INTS6: variants seen among roughly 807,000 people sequenced by gnomAD.
The protein encoded by INTS6 is DEAD box protein.
A neutral mutation model predicts 104.9 loss-of-function variants in INTS6; 16 were observed. The ratio of observed to expected loss-of-function variants is 0.15; its 90% CI spans 0.10 to 0.23. The LOEUF is 0.23. Among genes scored for constraint, INTS6 ranks in the 10% least tolerant of loss-of-function variants. The pLI, the probability that INTS6 is intolerant of heterozygous loss-of-function variation, is 1.00. For synonymous variants in INTS6, 324 were observed against 358.7 expected (o/e 0.90, Z 1.09); for missense variants, 584 against 1,062.8 (o/e 0.55, Z 6.26).
At chr13:51,339,096 C>T in the INTS6 span, among the ~76,000 whole-genome samples, 9 of 152,172 alleles carry the variant, frequency 5.9e-5, no homozygotes, top group African/African-American at 1.4e-4. Flanking sequence ...ATTGGACTTA[C>T]GAACTGTTGT....
At chr13:51,439,461 A>G (rs1952752275) in intron 3 of INTS6, 1 of 152,212 alleles carries the variant, frequency 6.6e-6, no homozygotes, top group Non-Finnish European at 1.5e-5. Flanking sequence ...CCATATACCA[A>G]TAATCAATTT....
intron 3 of INTS6, chr13:51,446,414 G>C (rs1952919561): frequency 6.6e-6 from 1 of 152,178 alleles, no homozygotes; most frequent in African/African-American, 2.4e-5. Context: ...AATTGTGTTA[G>C]TGAAGATATA....
At chr13:51,425,169 C>A (rs1235039208) in intron 4 of INTS6, among the ~76,000 whole-genome samples, 1 of 151,980 alleles carries the variant, frequency 6.6e-6, no homozygotes, top group African/African-American at 2.4e-5. Flanking sequence ...AACCCATTTA[C>A]AATGCCTAGA....
At chr13:51,360,542 C>A (rs184962183), downstream of INTS6, among the ~76,000 whole-genome samples, 237 of 152,134 alleles carry the variant, frequency 1.6e-3, no homozygotes, top group African/African-American at 5.4e-3. Flanking sequence ...GATTAGCTTA[C>A]AAAAATCAGC....
In INTS6 at chr13:51,386,365, G is replaced by C. The variant is rs551426541; in HGVS notation, c.894+1021C>G. Among the ~76,000 whole-genome samples the C allele has an allele frequency of 3.3e-5, 5 of 152,242 alleles. No individual in the cohort carries two copies. The South Asian group carries it at 8.3e-4, about 25-fold the overall frequency. ...CAAATACGGTATCTGTTCTGTAAGAGTTGAAAGAGCTCCAGAAAAGAAAGT... is the reference window on the plus strand; with the variant it reads ...CAAATACGGTATCTGTTCTGTAAGACTTGAAAGAGCTCCAGAAAAGAAAGT... On this transcript the variant is annotated intron_variant, in intron 7 of 17. Coordinates refer to ENST00000311234, the MANE Select transcript of INTS6 (RefSeq NM_012141.3).
At chr13:51,389,261 C>T (rs1397035567) in intron 6 of INTS6, 58 bp downstream of exon 6, 1 of 1,574,516 alleles carries the variant, frequency 6.4e-7, no homozygotes, top group African/African-American at 1.4e-5. Flanking sequence ...GTTTTCAGTT[C>T]TAGTTGAATA....
chr13:51,437,144 G>A (rs539463262), intron 3 of INTS6: 39 of 152,154 alleles, frequency 2.6e-4, no homozygotes, highest in Middle Eastern at 3.4e-3. Flanking sequence ...AAAAATAAAC[G>A]TATAAATAAA....
chr13:51,428,842 G>C (rs1957032179), intron 4 of INTS6, among the ~76,000 whole-genome samples: 1 of 152,052 alleles, frequency 6.6e-6, no homozygotes, highest in South Asian at 2.1e-4. Context: ...CTATCTCCAT[G>C]AATTATATCC....
At chr13:51,390,232 T>C (rs1465432569) in intron 5 of INTS6, among the ~76,000 whole-genome samples, 1 of 152,060 alleles carries the variant, frequency 6.6e-6, no homozygotes, top group Admixed American at 6.5e-5. Context: ...ACTTGAAATA[T>C]AGCTAGTCTG....
intron 4 of INTS6, among the ~76,000 whole-genome samples, chr13:51,420,770 A>C (rs918914471): frequency 8.4e-4 from 128 of 152,160 alleles, no homozygotes; most frequent in African/African-American, 2.8e-3. Flanking sequence ...AAAAAAAAAA[A>C]AAAACTATCC....
At position 51,452,560 on chromosome 13, in the gene INTS6, GGAGA is replaced by G. The variant is rs753164712; in HGVS notation, c.-39_-36del. 14 of 1,601,210 alleles carry G rather than the reference GGAGA, an allele frequency of 8.7e-6. No individual in the cohort carries two copies. The East Asian group carries it at 3.2e-4, about 36-fold the overall frequency. On this transcript the variant is annotated 5_prime_UTR_variant, in exon 1 of 18. Transcript: ENST00000311234. This position sits in a 1 kb window ranked among gnomAD's most constrained non-coding sequence, Gnocchi z 4.2. ...CGGGGACACCGGGGCCCGAGGTGGT[GGAGA>G]AAGAGGAGATGGTAGAGGTGGAGGC...
intron 4 of INTS6, among the ~76,000 whole-genome samples, chr13:51,420,947 C>T (rs2138068130): frequency 6.6e-6 from 1 of 152,286 alleles, no homozygotes; most frequent in South Asian, 2.1e-4. Flanking sequence ...GTTCTACTAA[C>T]TCAAAAGCTG....
At position 51,430,403 on chromosome 13, in the gene INTS6, T is replaced by C. The variant is rs772995342; in HGVS notation, c.340-20A>G. 3.8e-6 allele frequency: 6 copies of C among 1,582,632 alleles called. No individual in the cohort carries two copies. In the South Asian group the frequency reaches 4.5e-5, roughly 12 times the overall value. Reference sequence around the variant, plus strand: ...TCTTCCCTAAAGTCAAAAAACACATTGATCATACAAAGATTTAGACTTTGG... The same window carrying C: ...TCTTCCCTAAAGTCAAAAAACACATCGATCATACAAAGATTTAGACTTTGG... On this transcript the variant is annotated intron_variant, in intron 3 of 17. Coordinates refer to ENST00000311234, the MANE Select transcript of INTS6 (RefSeq NM_012141.3).
rs116081625 is a variant in INTS6, at chr13:51,385,836, T to C, written c.894+1550A>G. On this transcript the variant is annotated intron_variant, in intron 7 of 17. Transcript: ENST00000311234. ...CACTTAAAATCTCTTACGTGAACCA[T>C]ATCAATAGCCCTCATAGGTAACCTA... Among the ~76,000 whole-genome samples the C allele has an allele frequency of 8.6e-3, 1,316 of 152,270 alleles. 20 individuals carry two copies. The highest frequency in any genetic ancestry group is 0.029 in the African/African-American group (1,218 of 41,544).
chr13:51,371,773 C>T (rs753059539), intron 15 of INTS6, among the ~76,000 whole-genome samples: 10 of 152,100 alleles, frequency 6.6e-5, no homozygotes, highest in Non-Finnish European at 1.5e-4. Flanking sequence ...CCTTCCGTCT[C>T]AGCAGTATAC....
At chr13:51,439,322 T>C (rs889862184) in intron 3 of INTS6, 6 of 152,206 alleles carry the variant, frequency 3.9e-5, no homozygotes, top group African/African-American at 1.4e-4. Flanking sequence ...ACAGGTTATA[T>C]GAAAGCTAGA....
At chr13:51,380,593 T>A (rs1228062697) in intron 10 of INTS6, among the ~76,000 whole-genome samples, 2 of 152,202 alleles carry the variant, frequency 1.3e-5, no homozygotes, top group Non-Finnish European at 2.9e-5. Flanking sequence ...GTTAGAACTA[T>A]AAAATGTCAT....
chr13:51,422,358 G>T (rs1956910468), intron 4 of INTS6, among the ~76,000 whole-genome samples: 1 of 152,144 alleles, frequency 6.6e-6, no homozygotes, highest in South Asian at 2.1e-4. Flanking sequence ...CCAGAAAAAA[G>T]TTCATGCACA....
intron 4 of INTS6, among the ~76,000 whole-genome samples, chr13:51,403,015 C>T (rs1956467757): frequency 1.3e-5 from 2 of 152,128 alleles, no homozygotes; most frequent in Non-Finnish European, 2.9e-5. Context: ...GCCAAATAAA[C>T]AAGATTTGAG....
Sources: allele counts gnomAD v4.1 joint callset (sites outside exome capture counted in the v4.1 genomes callset), GRCh38; gene constraint gnomAD v4.1.1; non-coding constraint Gnocchi (gnomAD v3.1); transcripts MANE v1.5; gene names NCBI Gene and HGNC (gene_info 2026-07-23, HGNC 2026-07-21).